Variants in KCNMA1 observed in about 807,000 individuals in gnomAD.
KCNMA1 encodes Calcium-activated potassium channel subunit alpha-1.
Under a neutral mutation model 140.0 loss-of-function variants are expected in KCNMA1, and 29 were observed. The observed-to-expected ratio is 0.21, with a 90% CI of 0.15 to 0.28. KCNMA1 has a LOEUF of 0.28. KCNMA1 is among the 10% of genes least tolerant of loss of function. KCNMA1 has a pLI of 1.00. For synonymous variants in KCNMA1, 612 were observed against 611.9 expected, an observed-to-expected ratio of 1.00 and a Z score of 0.00; for missense variants, 880 against 1,602.2, an observed-to-expected ratio of 0.55 and a Z score of 7.70.
chr10:77,054,406 G>T (rs1024318010), intron 14 of KCNMA1, among the ~76,000 whole-genome samples: 15 of 152,084 alleles, frequency 9.9e-5, no homozygotes, highest in African/African-American at 3.6e-4. Context: ...ACAGGTATGG[G>T]GGCCAGGAAT....
chr10:77,242,252 C>T (rs1281858572), intron 3 of KCNMA1, among the ~76,000 whole-genome samples: 9 of 152,242 alleles, frequency 5.9e-5, no homozygotes, highest in Admixed American at 4.6e-4. Context: ...ATTACTGCCA[C>T]TGGATAGAGT....
chr10:77,358,468 C>T (rs976506873), intron 2 of KCNMA1, among the ~76,000 whole-genome samples: 1 of 152,166 alleles, frequency 6.6e-6, no homozygotes, highest in Non-Finnish European at 1.5e-5. Context: ...CTCCACCTCC[C>T]TTCTAATACA....
intron 3 of KCNMA1, among the ~76,000 whole-genome samples, chr10:77,209,225 T>C (rs1046147120): frequency 2.0e-5 from 3 of 152,102 alleles, no homozygotes; most frequent in African/African-American, 7.2e-5. Flanking sequence ...AGAGAAAACC[T>C]GTTCTCCAGA....
chr10:76,972,054 C>G lies in KCNMA1; in HGVS notation c.2267-1987G>C, dbSNP rs536552325. 1.3e-3 allele frequency among the ~76,000 whole-genome samples: 203 copies of G among 152,146 alleles called. 2 individuals are homozygous for G. Among genetic ancestry groups the G allele is most frequent in the African/African-American group, 4.7e-3 (196 of 41,490 alleles). ...AATGAAGTAGAAAGTCTTGCACTAACTAGACGTATAAGACAAGGTCATCTT... is the reference window on the plus strand; with the variant it reads ...AATGAAGTAGAAAGTCTTGCACTAAGTAGACGTATAAGACAAGGTCATCTT... On this transcript the variant is annotated intron_variant, in intron 19 of 27. Coordinates refer to ENST00000286628, the MANE Select transcript of KCNMA1 (RefSeq NM_001161352.2).
At chr10:77,089,702 C>A (rs929626636) in intron 10 of KCNMA1, among the ~76,000 whole-genome samples, 5 of 152,148 alleles carry the variant, frequency 3.3e-5, no homozygotes, top group Non-Finnish European at 7.3e-5. Flanking sequence ...TGGATTAATT[C>A]ATTTCATTCT....
At chr10:77,161,029 A>G (rs2098548493) in intron 5 of KCNMA1, among the ~76,000 whole-genome samples, 3 of 152,210 alleles carry the variant, frequency 2.0e-5, no homozygotes, top group African/African-American at 4.8e-5. Context: ...AGGCTCTTTC[A>G]TCCACTCAAT....
At chr10:77,193,652 C>T (rs954953446) in intron 3 of KCNMA1, among the ~76,000 whole-genome samples, 1 of 152,070 alleles carries the variant, frequency 6.6e-6, no homozygotes, top group Non-Finnish European at 1.5e-5. Context: ...GGGTGGGCAC[C>T]CACACAACGT....
chr10:77,172,274 T>C (rs1249824847), intron 5 of KCNMA1, among the ~76,000 whole-genome samples: 2 of 152,198 alleles, frequency 1.3e-5, no homozygotes, highest in Non-Finnish European at 2.9e-5. Flanking sequence ...GGAGAGGTTT[T>C]GGCATCCATG....
chr10:77,012,583 A>G, intron 17 of KCNMA1: 1 of 1,537,098 alleles, frequency 6.5e-7, no homozygotes, highest in Non-Finnish European at 8.8e-7. Context: ...AACGAAAGCC[A>G]CGAGTCAGTG....
At chr10:77,135,000 A>AAAAAAAAAAAAAAAAAAAAC in intron 5 of KCNMA1, among the ~76,000 whole-genome samples, 1 of 114,660 alleles carries the variant, frequency 8.7e-6, no homozygotes. Flanking sequence ...TCTGTCTCAA[A>AAAAAAAAAAAAAAAAAAAAC]AAAAAAAAAA....
intron 2 of KCNMA1, among the ~76,000 whole-genome samples, chr10:77,323,345 C>T (rs2082916421): frequency 6.6e-6 from 1 of 152,188 alleles, no homozygotes; most frequent in Admixed American, 6.5e-5. Flanking sequence ...CCTTTAGTGA[C>T]AAGTGGAAGT....
chr10:77,491,698 A>G (rs2039922167), intron 1 of KCNMA1, among the ~76,000 whole-genome samples: 1 of 143,800 alleles, frequency 7.0e-6, no homozygotes. Flanking sequence ...CTGGGGGGAA[A>G]TGGGTTTAGA....
At chr10:77,567,426 CG>C (rs1428935623) in intron 1 of KCNMA1, among the ~76,000 whole-genome samples, 1 of 152,176 alleles carries the variant, frequency 6.6e-6, no homozygotes, top group East Asian at 1.9e-4. Context: ...TCCAGATAAG[CG>C]TGTGTAACTC....
At chr10:77,267,254 G>A (rs2063697158) in intron 2 of KCNMA1, among the ~76,000 whole-genome samples, 7 of 152,158 alleles carry the variant, frequency 4.6e-5, no homozygotes, top group Admixed American at 4.6e-4. Flanking sequence ...AGCTCTGTGT[G>A]GAGCAAGCGA....
At chr10:77,012,487 TA>T in intron 17 of KCNMA1, 1 of 1,550,270 alleles carries the variant, frequency 6.5e-7, no homozygotes. Flanking sequence ...CTCAGTCAAA[TA>T]AAAATATCAA....
At chr10:77,303,230 T>G (rs1042023384) in intron 2 of KCNMA1, among the ~76,000 whole-genome samples, 2 of 152,184 alleles carry the variant, frequency 1.3e-5, no homozygotes, top group African/African-American at 4.8e-5. Flanking sequence ...ACAGGGTCAC[T>G]GTATCATGGC....
At chr10:76,997,993 T>C (rs975812756) in intron 19 of KCNMA1, among the ~76,000 whole-genome samples, 2 of 152,226 alleles carry the variant, frequency 1.3e-5, no homozygotes, top group African/African-American at 4.8e-5. Flanking sequence ...TGACACCTTT[T>C]ATTTTGATTT....
intron 1 of KCNMA1, among the ~76,000 whole-genome samples, chr10:77,618,101 C>T (rs537476879): frequency 6.6e-4 from 101 of 152,258 alleles, no homozygotes; most frequent in Middle Eastern, 3.4e-3. Flanking sequence ...CCCTATCATC[C>T]GGACAGATGC....
intron 19 of KCNMA1, among the ~76,000 whole-genome samples, chr10:76,998,976 G>C (rs74411338): frequency 6.6e-6 from 1 of 152,216 alleles, no homozygotes; most frequent in African/African-American, 2.4e-5. Flanking sequence ...CAGGACGACT[G>C]ATGAAACGGA....
Sources: allele counts gnomAD v4.1 joint callset (sites outside exome capture counted in the v4.1 genomes callset), GRCh38; gene constraint gnomAD v4.1.1; transcripts MANE v1.5; gene names NCBI Gene and HGNC (gene_info 2026-07-23, HGNC 2026-07-21).